NR3C2: variants seen among roughly 807,000 people sequenced by gnomAD.
NR3C2 encodes mineralocorticoid receptor.
A neutral mutation model predicts 86.4 loss-of-function variants in NR3C2; 15 were observed. The observed-to-expected ratio is 0.17, with a 90% CI of 0.12 to 0.27. The LOEUF (loss-of-function observed/expected upper bound fraction) is 0.27, where lower values mean the gene tolerates loss of function less well. Among genes scored for constraint, NR3C2 ranks in the 10% least tolerant of loss-of-function variants. NR3C2 has a pLI of 1.00. For missense variants in NR3C2, 960 were observed against 1,195.6 expected (o/e 0.80, Z 2.91); for synonymous variants, 458 against 450.5 (o/e 1.02, Z -0.21).
At chr4:148,387,288 C>T (rs533929021) in intron 2 of NR3C2, among the ~76,000 whole-genome samples, 3 of 152,268 alleles carry the variant, frequency 2.0e-5, no homozygotes, top group African/African-American at 7.2e-5. Context: ...GAAAGCTGAA[C>T]AACCAAAAAG....
In NR3C2 at chr4:148,154,586, A is replaced by G; in HGVS notation, c.2330T>C (p.Met777Thr). 1.2e-6 allele frequency: 2 copies of G among 1,614,186 alleles called. No homozygotes were observed. The highest frequency in any genetic ancestry group is 8.5e-7 in the Non-Finnish European group (1 of 1,180,032). The change falls in exon 5 of 9, where the codon ATG becomes ACG. Residue 777 changes from methionine to threonine, a missense_variant. By Grantham distance (81) the Met-to-Thr change is moderately conservative. Coordinates refer to ENST00000358102, the MANE Select transcript of NR3C2 (RefSeq NM_000901.5). ...STLNRLAGKQ[M>T]IQVVKWAKVL... ...CTTTGCCCACTTCACGACTTGGATC[A>G]TCTGTTTGCCTGCTAAGCGGTTGAG... is the stretch of plus-strand genomic sequence containing the variant.
intron 2 of NR3C2, among the ~76,000 whole-genome samples, chr4:148,366,266 T>C (rs948071383): frequency 1.3e-5 from 2 of 152,062 alleles, no homozygotes; most frequent in African/African-American, 2.4e-5. Context: ...TTTGTTTCCA[T>C]GCCTTTCCCC....
At chr4:148,438,244 G>A (rs986207741) in intron 1 of NR3C2, among the ~76,000 whole-genome samples, 2 of 152,132 alleles carry the variant, frequency 1.3e-5, no homozygotes, top group African/African-American at 4.8e-5. Context: ...CTACCCACTA[G>A]ATGCCAGTAG....
chr4:148,166,801 C>T (rs1578962976), intron 4 of NR3C2, among the ~76,000 whole-genome samples: 1 of 150,964 alleles, frequency 6.6e-6, no homozygotes, highest in Non-Finnish European at 1.5e-5. Context: ...AACAGTCAGC[C>T]GTTATCCATC....
intron 6 of NR3C2, among the ~76,000 whole-genome samples, chr4:148,126,727 T>A (rs889932330): frequency 6.6e-6 from 1 of 152,234 alleles, no homozygotes; most frequent in Admixed American, 6.5e-5. Flanking sequence ...CATCTCTTTT[T>A]AACTCTTTGT....
intron 2 of NR3C2, among the ~76,000 whole-genome samples, chr4:148,315,901 G>A (rs761884694): frequency 1.3e-5 from 2 of 152,066 alleles, no homozygotes; most frequent in Non-Finnish European, 2.9e-5. Flanking sequence ...AAACAGTTTT[G>A]TGATATATAC....
chr4:148,340,288 A>T (rs6857339), intron 2 of NR3C2, among the ~76,000 whole-genome samples: 9,706 of 152,256 alleles, frequency 0.064, 424 homozygotes, highest in African/African-American at 0.13. Flanking sequence ...TAACCCCAAC[A>T]GCATAGTACT....
At chr4:148,426,776 T>C (rs1294560003) in intron 2 of NR3C2, among the ~76,000 whole-genome samples, 2 of 152,142 alleles carry the variant, frequency 1.3e-5, no homozygotes, top group Non-Finnish European at 2.9e-5. Context: ...TCTAACAGCA[T>C]CCACAGGGAC....
chr4:148,406,118 G>A (rs1748412465), intron 2 of NR3C2, among the ~76,000 whole-genome samples: 1 of 152,060 alleles, frequency 6.6e-6, no homozygotes, highest in African/African-American at 2.4e-5. Flanking sequence ...GTGAGTTGTG[G>A]TCACACCACT....
At chr4:148,354,973 T>TA (rs568957112) in intron 2 of NR3C2, among the ~76,000 whole-genome samples, 1 of 151,970 alleles carries the variant, frequency 6.6e-6, no homozygotes, top group Non-Finnish European at 1.5e-5. Flanking sequence ...TTATGCTATT[T>TA]AAAAAAAATA....
At chr4:148,405,380 G>A (rs917115258) in intron 2 of NR3C2, among the ~76,000 whole-genome samples, 3 of 151,664 alleles carry the variant, frequency 2.0e-5, no homozygotes, top group Non-Finnish European at 4.4e-5. Context: ...ACTAGGAAAG[G>A]GACAGTAGGT....
At chr4:148,413,036 G>A (rs929153503) in intron 2 of NR3C2, among the ~76,000 whole-genome samples, 5 of 152,168 alleles carry the variant, frequency 3.3e-5, no homozygotes, top group Admixed American at 1.3e-4. Context: ...AACTAGAAGC[G>A]TCCCCTATGT....
chr4:148,438,855 A>G (rs546741760), intron 1 of NR3C2, among the ~76,000 whole-genome samples: 33 of 152,234 alleles, frequency 2.2e-4, no homozygotes, highest in Non-Finnish European at 3.7e-4. Flanking sequence ...CAATTTCACT[A>G]CAGTATCCCA....
intron 2 of NR3C2, among the ~76,000 whole-genome samples, chr4:148,301,216 G>A (rs1337751083): frequency 6.6e-6 from 1 of 152,016 alleles, no homozygotes; most frequent in African/African-American, 2.4e-5. Context: ...AGTGTGTAAT[G>A]TCTATTAAAA....
chr4:148,314,312 A>G (rs1490070358), intron 2 of NR3C2, among the ~76,000 whole-genome samples: 1 of 152,118 alleles, frequency 6.6e-6, no homozygotes, highest in East Asian at 1.9e-4. Context: ...AAACTTGGCC[A>G]TTTTCTGGTT....
chr4:148,190,035 C>T (rs1217690014), intron 4 of NR3C2, among the ~76,000 whole-genome samples: 1 of 152,104 alleles, frequency 6.6e-6, no homozygotes, highest in Admixed American at 6.6e-5. Context: ...GTTTCAATTT[C>T]ATTTAGTTCT....
At chr4:148,307,394 A>AT in intron 2 of NR3C2, among the ~76,000 whole-genome samples, 1 of 152,360 alleles carries the variant, frequency 6.6e-6, no homozygotes, top group African/African-American at 2.4e-5. Flanking sequence ...CAACAGAATC[A>AT]TAAGTTATGT....
At chr4:148,084,716 G>A (rs1730731942) in intron 8 of NR3C2, among the ~76,000 whole-genome samples, 1 of 152,136 alleles carries the variant, frequency 6.6e-6, no homozygotes, top group Non-Finnish European at 1.5e-5. Context: ...GACACAGTCT[G>A]GCAAATTCAA....
intron 4 of NR3C2, among the ~76,000 whole-genome samples, chr4:148,175,358 G>A (rs1412205330): frequency 1.3e-5 from 2 of 152,138 alleles, no homozygotes; most frequent in Non-Finnish European, 2.9e-5. Flanking sequence ...TTTACTGTGT[G>A]AGAATCTCTA....
Sources: gnomAD v4.1 joint callset for allele counts (sites outside exome capture counted in the v4.1 genomes callset) on GRCh38, gnomAD v4.1.1 for gene constraint, MANE v1.5 for transcripts, NCBI Gene and HGNC (gene_info 2026-07-23, HGNC 2026-07-21) for gene names.